Variants in DYNC1H1 observed in about 807,000 individuals in gnomAD.
DYNC1H1 encodes the protein cytoplasmic dynein 1 heavy chain 1.
In DYNC1H1, 51 loss-of-function variants were observed where a neutral mutation model predicts 527.1. The ratio of observed to expected loss-of-function variants is 0.10; its 90% CI spans 0.08 to 0.12. The LOEUF is 0.12. Among genes scored for constraint, DYNC1H1 ranks in the 10% least tolerant of loss-of-function variants. The probability of loss-of-function intolerance (pLI) is 1.00; values close to 1 mark genes in which losing one functional copy is unlikely to be tolerated. For missense variants in DYNC1H1, 2,771 were observed against 5,971.8 expected, an observed-to-expected ratio of 0.46 and a Z score of 17.66; for synonymous variants, 2,189 against 2,278.8, an observed-to-expected ratio of 0.96 and a Z score of 1.12.
chr14:102,034,799 G>A (rs1309401853), intron 56 of DYNC1H1: 8 of 378,326 alleles, frequency 2.1e-5, no homozygotes, highest in African/African-American at 6.3e-5. Flanking sequence ...GGTGGCATGC[G>A]CCTGTAATCC....
chr14:102,048,379 C>G, intron 73 of DYNC1H1, 137 bp from the exon 74 acceptor site: 1 of 1,235,216 alleles, frequency 8.1e-7, no homozygotes, highest in Middle Eastern at 2.5e-4. Context: ...AAGTCACGCT[C>G]TGCCAAAGCT....
At chr14:102,028,861 G>T (rs1878898528) in intron 48 of DYNC1H1, 1 of 161,080 alleles carries the variant, frequency 6.2e-6, no homozygotes. Flanking sequence ...CCATTGTAGG[G>T]CAAAAGCCTC....
chr14:102,038,153 A>G lies in DYNC1H1; in HGVS notation c.10909-307A>G, dbSNP rs1202964208. On this transcript the variant is annotated intron_variant, in intron 57 of 77. Coordinates refer to ENST00000360184, the MANE Select transcript of DYNC1H1 (RefSeq NM_001376.5). The surrounding 1 kb of genome is among the most constrained non-coding windows in gnomAD (Gnocchi z 7.2). ...CCATACACCCCCAGCTAACTTTCGT[A>G]TTTTTAGTAGAGATGGAGTTTCACC... 5 of 398,716 alleles carry G rather than the reference A, an allele frequency of 1.3e-5. No individual in the cohort carries two copies. The East Asian group carries it at 1.8e-4, about 14-fold the overall frequency. 24.7% of individuals were successfully genotyped at this position (398,716 alleles called of 1,614,324 possible).
chr14:102,032,608 T>C, intron 52 of DYNC1H1, 141 bp downstream of exon 52: 1 of 1,134,836 alleles, frequency 8.8e-7, no homozygotes, highest in Non-Finnish European at 1.3e-6. Flanking sequence ...TCCCAGAACT[T>C]TGGGAGGCTG....
intron 1 of DYNC1H1, among the ~76,000 whole-genome samples, chr14:101,972,129 G>A (rs1331761184): frequency 6.6e-6 from 1 of 151,792 alleles, no homozygotes; most frequent in African/African-American, 2.4e-5. Context: ...TGTGTTTGTA[G>A]TAAGCTTATA....
chr14:102,044,224 G>C lies in DYNC1H1; in HGVS notation c.12685-50G>C. On this transcript the variant is annotated intron_variant, in intron 70 of 77. Coordinates refer to ENST00000360184, the MANE Select transcript of DYNC1H1 (RefSeq NM_001376.5). The surrounding 1 kb of genome is among the most constrained non-coding windows in gnomAD (Gnocchi z 7.1). ...CTGTGCCCCTCGAAAGGAAGCCCCGGGCCTGCCCGCCTCTGACCACACACA... is the reference window on the plus strand; with the variant it reads ...CTGTGCCCCTCGAAAGGAAGCCCCGCGCCTGCCCGCCTCTGACCACACACA... The C allele has an allele frequency of 3.1e-6, 5 of 1,608,820 alleles. No individual in the cohort carries two copies. The highest frequency in any genetic ancestry group is 3.4e-6 in the Non-Finnish European group (4 of 1,178,280).
intron 77 of DYNC1H1, 101 bp from the exon 78 acceptor site, chr14:102,050,334 G>T: frequency 6.2e-7 from 1 of 1,611,444 alleles, no homozygotes; most frequent in Non-Finnish European, 8.5e-7. Flanking sequence ...TTTCGCACCT[G>T]TCCAAACCTC....
intron 72 of DYNC1H1, among the ~76,000 whole-genome samples, chr14:102,046,215 ACTCT>A (rs2048716475): frequency 2.0e-5 from 3 of 151,502 alleles, no homozygotes; most frequent in Admixed American, 2.0e-4. Context: ...GCCCAGGCGC[ACTCT>A]ATCAGGACAG....
rs755291604 is a variant in DYNC1H1 at position 101,980,019 on chromosome 14, AATATCTTT to A, written c.774+46_774+53del. On this transcript the variant is annotated intron_variant, in intron 4 of 77. Transcript: ENST00000360184. The stretch of plus-strand genomic sequence containing the variant: ...AGTTATGTAAAATATGTTACTCTTT[AATATCTTT>A]GGGAAAACTGATCTGGATTTTGTAA... The A allele has an allele frequency of 3.7e-6, 6 of 1,613,252 alleles. No individual in the cohort carries two copies. In the African/African-American group the frequency reaches 8.0e-5, roughly 22 times the overall value.
Position 101,979,985 on chromosome 14 carries a change from A to G in DYNC1H1, c.774+11A>G, listed in dbSNP as rs1238210996. The G allele has an allele frequency of 2.1e-5, 34 of 1,614,186 alleles. No individual in the cohort carries two copies. The highest frequency in any genetic ancestry group is 2.9e-5 in the Non-Finnish European group (34 of 1,180,046). ...CGAGAAATTCAAAAAGTAAGAGCAC[A>G]GGATTGAAAGTTATGTAAAATATGT... On this transcript the variant is annotated intron_variant, in intron 4 of 77. Transcript: ENST00000360184. The surrounding 1 kb of genome is among the most constrained non-coding windows in gnomAD (Gnocchi z 4.6).
chr14:102,028,028 A>G lies in DYNC1H1; in HGVS notation c.9355A>G (p.Asn3119Asp). 6.2e-7 allele frequency: 1 copy of G among 1,614,188 alleles called. No homozygotes were observed. The highest frequency in any genetic ancestry group is 8.5e-7 in the Non-Finnish European group (1 of 1,180,036). The change falls in exon 48 of 78, where the codon AAT (asparagine) becomes GAT (aspartate). Residue 3119 changes from asparagine (N) to aspartate (D), a missense_variant. Around this residue, in one of 32 missense-constraint regions of DYNC1H1, gnomAD observed 67 missense variants for 128.2 expected, o/e 0.52. Transcript: ENST00000360184. ...FTSKMDLEKP[N>D]YIVPDYMPVV... is the part of the protein sequence containing the mutation. ...AAGTAAGATGGATCTGGAGAAGCCA[A>G]ATTACATCGTGCCTGATTACATGCC...
intron 1 of DYNC1H1, among the ~76,000 whole-genome samples, chr14:101,967,174 ATAT>A (rs2047678653): frequency 6.6e-6 from 1 of 152,152 alleles, no homozygotes; most frequent in African/African-American, 2.4e-5. Context: ...GACACCTTAG[ATAT>A]AAGTAGAGAC....
chr14:102,044,749 TCACGCGGGGTGGGTGGCGAGGGTCCCCA>T lies in DYNC1H1; in HGVS notation c.13006+57_13006+84del, dbSNP rs747026441. 12 of 1,358,026 alleles carry T rather than the reference TCACGCGGGGTGGGTGGCGAGGGTCCCCA, an allele frequency of 8.8e-6. No homozygotes were observed. The South Asian group carries it at 9.5e-5, about 11-fold the overall frequency. 84.1% of individuals were successfully genotyped at this position (1,358,026 alleles called of 1,614,324 possible). ...CGCAGGGTGGGTGGCGAGGGTCCCC[TCACGCGGGGTGGGTGGCGAGGGTCCCCA>T]CACGCAGGGTGAGTGTGCACTGCTG... On this transcript the variant is annotated intron_variant, in intron 72 of 77. Coordinates refer to ENST00000360184, the MANE Select transcript of DYNC1H1 (RefSeq NM_001376.5). This position sits in a 1 kb window ranked among gnomAD's most constrained non-coding sequence, Gnocchi z 7.1.
chr14:101,972,895 C>T (rs540986693), intron 1 of DYNC1H1, among the ~76,000 whole-genome samples: 1 of 152,144 alleles, frequency 6.6e-6, no homozygotes, highest in African/African-American at 2.4e-5. Flanking sequence ...AGAAAATCAT[C>T]GCAGTACTTT....
intron 34 of DYNC1H1, among the ~76,000 whole-genome samples, chr14:102,013,777 G>A (rs1423239471): frequency 2.6e-5 from 4 of 152,196 alleles, no homozygotes; most frequent in African/African-American, 9.6e-5. Context: ...TGAAAGCCAG[G>A]AGGCCAGTTG....
intron 29 of DYNC1H1, chr14:102,009,499 T>C (rs1273224563): frequency 6.3e-6 from 2 of 319,754 alleles, no homozygotes; most frequent in South Asian, 3.0e-5. Flanking sequence ...GTCGCGGCAT[T>C]TATTCCTTTT....
chr14:102,030,084 A>C, intron 50 of DYNC1H1, 78 bp from the exon 51 acceptor site: 1 of 1,523,240 alleles, frequency 6.6e-7, no homozygotes, highest in Non-Finnish European at 9.0e-7. Flanking sequence ...GTGTTGGCAG[A>C]GTGAAGAATG....
At position 102,008,294 on chromosome 14, in the gene DYNC1H1, A is replaced by T. The variant is rs762808179; in HGVS notation, c.5934A>T (p.Ile1978=). The change falls in exon 29 of 78, where the codon ATA becomes ATT. Residue 1978 remains isoleucine (I), a synonymous_variant. Transcript: ENST00000360184. ...LSAVSQQVQC[I]QEALREHSNP... Reference sequence around the variant, plus strand: ...CTGTGTCCCAGCAGGTGCAGTGCATACAGGAAGCACTGCGTGAACATTCCA... The same window carrying T: ...CTGTGTCCCAGCAGGTGCAGTGCATTCAGGAAGCACTGCGTGAACATTCCA... 54 of 1,614,124 alleles carry T rather than the reference A, an allele frequency of 3.3e-5. No homozygotes were observed. The highest frequency in any genetic ancestry group is 3.1e-5 in the Non-Finnish European group (36 of 1,180,052).
rs750346749 is a variant in DYNC1H1, at chr14:102,050,576, G to A, written c.*13G>A. 6.2e-7 allele frequency: 1 copy of A among 1,614,146 alleles called. No individual in the cohort carries two copies. Reference sequence around the variant, plus strand: ...GTGCACAGAGTAAACTTTTCTAGCTGCCCCTTTCTGTAATAGTGAAAGTTG... The same window carrying A: ...GTGCACAGAGTAAACTTTTCTAGCTACCCCTTTCTGTAATAGTGAAAGTTG... On this transcript the variant is annotated 3_prime_UTR_variant, in exon 78 of 78. Transcript: ENST00000360184.
Sources: gnomAD v4.1 joint callset for allele counts (sites outside exome capture counted in the v4.1 genomes callset) on GRCh38, gnomAD v4.1.1 for gene constraint, gnomAD v4.1.1 regional missense constraint, Gnocchi (gnomAD v3.1) non-coding constraint, MANE v1.5 for transcripts, NCBI Gene and HGNC (gene_info 2026-07-23, HGNC 2026-07-21) for gene names.